The following RNF144A variants were observed in gnomAD, a reference collection of about 807,000 sequenced individuals.
The protein encoded by RNF144A is ring finger protein 144A.
RNF144A carries 11 observed loss-of-function variants against 38.7 expected under a neutral mutation model. The observed-to-expected ratio is 0.28, with a 90% CI of 0.18 to 0.47. The LOEUF (loss-of-function observed/expected upper bound fraction) is 0.47. RNF144A is among the 20% of genes least tolerant of loss of function. The pLI, the probability that RNF144A is intolerant of heterozygous loss-of-function variation, is 0.99. For missense variants in RNF144A, 316 were observed against 377.2 expected, an observed-to-expected ratio of 0.84 and a Z score of 1.34; for synonymous variants, 149 against 143.9, an observed-to-expected ratio of 1.04 and a Z score of -0.25.
At chr2:7,069,878 AC>A (rs1273859307), downstream of RNF144A, among the ~76,000 whole-genome samples, 1 of 152,236 alleles carries the variant, frequency 6.6e-6, no homozygotes, top group East Asian at 1.9e-4. Context: ...GTTTATAATG[AC>A]AAGGAACAGC....
intron 6 of RNF144A, among the ~76,000 whole-genome samples, chr2:7,050,783 G>C (rs1178175698): frequency 2.6e-5 from 4 of 152,224 alleles, no homozygotes; most frequent in African/African-American, 9.6e-5. Flanking sequence ...CCATGGGGAA[G>C]ACTTAGGACT....
rs375569988 is a variant in RNF144A, at chr2:7,024,319, T to G, written c.510-50T>G. 5 of 1,518,140 alleles carry G rather than the reference T, an allele frequency of 3.3e-6. No homozygotes were observed. The African/African-American group carries it at 6.8e-5, about 21-fold the overall frequency. The allele number at this position is 1,518,140 out of a possible 1,614,324, so 94.0% of individuals were successfully genotyped here. On this transcript the variant is annotated intron_variant, in intron 6 of 8. Transcript: ENST00000320892. ...TTCCAGCATAGCCAGTGCTCCTGGGTCTCCCGTGGGATCCGTTTGTGCAGA... is the reference window on the plus strand; with the variant it reads ...TTCCAGCATAGCCAGTGCTCCTGGGGCTCCCGTGGGATCCGTTTGTGCAGA...
intron 6 of RNF144A, among the ~76,000 whole-genome samples, chr2:7,063,694 T>G (rs1048549954): frequency 6.6e-6 from 1 of 151,396 alleles, no homozygotes; most frequent in Non-Finnish European, 1.5e-5. Flanking sequence ...GCCCAAGCAG[T>G]GGAGGGAAAA....
rs78960094 is a variant in RNF144A at position 6,946,039 on chromosome 2, G to C, written c.-12+4892G>C. 2.4e-4 allele frequency among the ~76,000 whole-genome samples: 36 copies of C among 152,324 alleles called. 1 individual carries two copies. In the East Asian group the frequency reaches 6.6e-3, roughly 28 times the overall value. On this transcript the variant is annotated intron_variant, in intron 2 of 8. Coordinates refer to ENST00000320892, the MANE Select transcript of RNF144A (RefSeq NM_014746.6). ...TGTGATTCAAAACAAAAGGGTTCTGGATGGTTGATTGAGTGATATCATGCT... is the reference window on the plus strand; with the variant it reads ...TGTGATTCAAAACAAAAGGGTTCTGCATGGTTGATTGAGTGATATCATGCT...
intron 2 of RNF144A, among the ~76,000 whole-genome samples, chr2:6,980,714 C>T (rs1232912924): frequency 1.3e-5 from 2 of 152,236 alleles, no homozygotes; most frequent in Non-Finnish European, 2.9e-5. Flanking sequence ...CTGTGGTCTG[C>T]AGGACAGTGG....
rs1667128458 is a variant in RNF144A at position 6,958,220 on chromosome 2, C to T, written c.-12+17073C>T. Among the ~76,000 whole-genome samples, 1 of 152,222 alleles carries T rather than the reference C, an allele frequency of 6.6e-6. No homozygotes were observed. The highest frequency in any genetic ancestry group is 2.4e-5 in the African/African-American group (1 of 41,450). On this transcript the variant is annotated intron_variant, in intron 2 of 8. Transcript: ENST00000320892. This position sits in a 1 kb window ranked among gnomAD's most constrained non-coding sequence, Gnocchi z 4.5. ...CTCTGCCTGGCCTCAGCAGTCCCTTCTGCGGGGCTCTGCTCTGGGCTGGTG... is the reference window on the plus strand; with the variant it reads ...CTCTGCCTGGCCTCAGCAGTCCCTTTTGCGGGGCTCTGCTCTGGGCTGGTG...
chr2:7,053,822 C>A (rs1210135713), intron 6 of RNF144A, among the ~76,000 whole-genome samples: 1 of 152,208 alleles, frequency 6.6e-6, no homozygotes. Context: ...TGTTATATAA[C>A]CTGTTTGTGT....
chr2:6,944,577 T>A lies in RNF144A; in HGVS notation c.-12+3430T>A, dbSNP rs761045522. Reference sequence around the variant, plus strand: ...TCCTTGGAAGATAAGTGCATTCTAATTTTATGTTTATTTTTTAATCTTAAC... The same window carrying A: ...TCCTTGGAAGATAAGTGCATTCTAAATTTATGTTTATTTTTTAATCTTAAC... On this transcript the variant is annotated intron_variant, in intron 2 of 8. Coordinates refer to ENST00000320892, the MANE Select transcript of RNF144A (RefSeq NM_014746.6). This position sits in a 1 kb window ranked among gnomAD's most constrained non-coding sequence, Gnocchi z 4.7. 3.3e-5 allele frequency among the ~76,000 whole-genome samples: 5 copies of A among 152,110 alleles called. No individual in the cohort carries two copies. Among genetic ancestry groups the A allele is most frequent in the Non-Finnish European group, 7.4e-5 (5 of 68,022 alleles).
At chr2:6,988,799 A>G (rs1027030334) in intron 2 of RNF144A, among the ~76,000 whole-genome samples, 1 of 152,220 alleles carries the variant, frequency 6.6e-6, no homozygotes, top group African/African-American at 2.4e-5. Context: ...AGGGCATAGC[A>G]TCTATGAAAA....
intron 2 of RNF144A, among the ~76,000 whole-genome samples, chr2:6,955,476 GA>G (rs905660833): frequency 7.9e-5 from 12 of 152,100 alleles, no homozygotes; most frequent in East Asian, 3.9e-4. Context: ...TGCCTAGACC[GA>G]GTCAATTCTT....
chr2:7,004,342 A>G (rs1670302876), intron 3 of RNF144A, among the ~76,000 whole-genome samples: 1 of 152,348 alleles, frequency 6.6e-6, no homozygotes, highest in Non-Finnish European at 1.5e-5. Flanking sequence ...TAGATAAAAC[A>G]GAGACTTCCT....
chr2:6,995,042 C>CTTCTCCCTCCTGGTAGAA (rs1428704831), intron 2 of RNF144A, among the ~76,000 whole-genome samples: 3 of 152,156 alleles, frequency 2.0e-5, no homozygotes, highest in Non-Finnish European at 2.9e-5. Context: ...CCAGACGTGT[C>CTTCTCCCTCCTGGTAGAA]TTCTCCCTCC....
At chr2:7,067,238 A>T (rs1404806463) in intron 6 of RNF144A, among the ~76,000 whole-genome samples, 3 of 152,110 alleles carry the variant, frequency 2.0e-5, no homozygotes, top group Non-Finnish European at 4.4e-5. Flanking sequence ...TGGCAACCAC[A>T]CTCCAGACTA....
At chr2:7,058,760 CAT>C (rs1673839832) in intron 6 of RNF144A, among the ~76,000 whole-genome samples, 1 of 152,252 alleles carries the variant, frequency 6.6e-6, no homozygotes, top group African/African-American at 2.4e-5. Flanking sequence ...AGTTGGTAGA[CAT>C]ATATAAATCT....
chr2:7,037,229 A>G (rs943788596), intron 8 of RNF144A, among the ~76,000 whole-genome samples: 3 of 152,218 alleles, frequency 2.0e-5, no homozygotes, highest in East Asian at 1.9e-4. Context: ...CCTGTCACCA[A>G]TTGGCAATAC....
rs1673112045 is a variant in RNF144A, at chr2:7,042,565, G to A, written c.*2805G>A. On this transcript the variant is annotated 3_prime_UTR_variant, in exon 9 of 9. Coordinates refer to ENST00000320892, the MANE Select transcript of RNF144A (RefSeq NM_014746.6). ...GGACTGGCCTTAGCCCAGTGGACCT[G>A]TGGCTTCTCTGAGGCCCTTGAGTAA... 1.0e-6 allele frequency: 1 copy of A among 985,448 alleles called. No individual in the cohort carries two copies. The highest frequency in any genetic ancestry group is 6.1e-5 in the Admixed American group (1 of 16,280). The allele number at this position is 985,448 out of a possible 1,614,324, so 61.0% of individuals were successfully genotyped here.
rs1664215683 is a variant in RNF144A, at chr2:6,917,735, GCCTGCCCCGCTGGGT to G, written c.-212+123_-212+137del. 6.7e-6 allele frequency: 1 copy of G among 148,798 alleles called. No homozygotes were observed. The highest frequency in any genetic ancestry group is 2.4e-5 in the African/African-American group (1 of 41,034). 9.2% of individuals were successfully genotyped at this position (148,798 alleles called of 1,614,324 possible). A position where few individuals can be genotyped will look rare whatever the true frequency, so the allele number is the denominator to read the frequency against. Reference sequence around the variant, plus strand: ...CTTGGGGCTCGGGGCTTGCGGCCGCGCCTGCCCCGCTGGGTCCTGCCCCGGCGCCCGGTGGCAGCG... The same window carrying G: ...CTTGGGGCTCGGGGCTTGCGGCCGCGCCTGCCCCGGCGCCCGGTGGCAGCG... On this transcript the variant is annotated intron_variant, in intron 1 of 8. Transcript: ENST00000320892. The surrounding 1 kb of genome is among the most constrained non-coding windows in gnomAD (Gnocchi z 4.8).
chr2:7,012,053 G>A (rs1184337125), intron 3 of RNF144A, among the ~76,000 whole-genome samples: 2 of 152,170 alleles, frequency 1.3e-5, no homozygotes, highest in Admixed American at 1.3e-4. Context: ...GATGCGTCAT[G>A]TTTTATCATT....
At chr2:7,007,824 C>T (rs309315) in intron 3 of RNF144A, among the ~76,000 whole-genome samples, 37,407 of 152,184 alleles carry the variant, frequency 0.25, 5,763 homozygotes, top group Non-Finnish European at 0.35. Flanking sequence ...TCATATTGAA[C>T]AGATAGAACA....
Sources: gnomAD v4.1 joint callset for allele counts (sites outside exome capture counted in the v4.1 genomes callset) on GRCh38, gnomAD v4.1.1 for gene constraint, Gnocchi (gnomAD v3.1) non-coding constraint, MANE v1.5 for transcripts, NCBI Gene and HGNC (gene_info 2026-07-23, HGNC 2026-07-21) for gene names.